The following HUNK variants were observed in gnomAD, a reference collection of about 807,000 sequenced individuals.
HUNK encodes the protein hormonally up-regulated Neu-associated kinase, also known as hormonally up-regulated neu tumor-associated kinase.
Under a neutral mutation model 61.0 loss-of-function variants are expected in HUNK, and 21 were observed. The ratio of observed to expected loss-of-function variants is 0.34; its 90% CI spans 0.24 to 0.50. HUNK has a LOEUF of 0.50. Among genes scored for constraint, HUNK ranks in the 20% least tolerant of loss-of-function variants. HUNK has a pLI of 0.98. For missense variants in HUNK, 772 were observed against 945.7 expected (o/e 0.82, Z 2.41); for synonymous variants, 371 against 386.1 (o/e 0.96, Z 0.46).
intron 7 of HUNK, among the ~76,000 whole-genome samples, chr21:31,975,470 A>T (rs1325864831): frequency 4.6e-5 from 7 of 152,232 alleles, no homozygotes; most frequent in Admixed American, 3.3e-4. Context: ...TCATGCTTTT[A>T]CTCAGAATGG....
At chr21:31,983,020 C>T (rs2053108649) in intron 7 of HUNK, among the ~76,000 whole-genome samples, 1 of 152,262 alleles carries the variant, frequency 6.6e-6, no homozygotes, top group Non-Finnish European at 1.5e-5. Flanking sequence ...CCAGGCTGGT[C>T]TCGAACTCCT....
At chr21:31,886,350 T>G (rs1031663601) in intron 1 of HUNK, among the ~76,000 whole-genome samples, 16 of 148,454 alleles carry the variant, frequency 1.1e-4, no homozygotes, top group African/African-American at 3.5e-4. Flanking sequence ...TGAACCTGGC[T>G]GGGAGGCGGA....
At chr21:31,887,535 T>C (rs2052355218) in intron 1 of HUNK, among the ~76,000 whole-genome samples, 1 of 152,098 alleles carries the variant, frequency 6.6e-6, no homozygotes, top group South Asian at 2.1e-4. Flanking sequence ...AGTCCTCTTT[T>C]TGAGTTCTTG....
At chr21:31,927,928 G>A (rs1337118441) in intron 2 of HUNK, among the ~76,000 whole-genome samples, 1 of 152,210 alleles carries the variant, frequency 6.6e-6, no homozygotes, top group Non-Finnish European at 1.5e-5. Context: ...GTTGTCATGA[G>A]ATCACCCTTC....
At chr21:31,955,258 A>ATTT (rs10654162) in intron 4 of HUNK, among the ~76,000 whole-genome samples, 24,618 of 144,828 alleles carry the variant, frequency 0.17, 2,241 homozygotes, top group South Asian at 0.28. Flanking sequence ...AATAAAAGTG[A>ATTT]TTTTTTTTTT....
At chr21:31,934,156 A>G (rs1416817755) in intron 2 of HUNK, among the ~76,000 whole-genome samples, 1 of 152,022 alleles carries the variant, frequency 6.6e-6, no homozygotes, top group Non-Finnish European at 1.5e-5. Flanking sequence ...AAGGTCCATT[A>G]TAATACACGA....
At chr21:31,928,272 A>G (rs2052674449) in intron 2 of HUNK, among the ~76,000 whole-genome samples, 1 of 152,162 alleles carries the variant, frequency 6.6e-6, no homozygotes, top group South Asian at 2.1e-4. Context: ...GAGGATGAGC[A>G]CCGAGCTTCT....
At chr21:31,952,096 AT>A (rs2052854082) in intron 4 of HUNK, among the ~76,000 whole-genome samples, 1 of 152,176 alleles carries the variant, frequency 6.6e-6, no homozygotes, top group Admixed American at 6.5e-5. Flanking sequence ...AGAAACAACC[AT>A]TTTGAAATCC....
intron 4 of HUNK, among the ~76,000 whole-genome samples, chr21:31,955,286 A>T (rs1601396731): frequency 7.3e-6 from 1 of 136,334 alleles, no homozygotes; most frequent in East Asian, 2.2e-4. Context: ...AAAATAGTGC[A>T]TTGATAAAGA....
intron 6 of HUNK, 37 bp from the exon 7 acceptor site, chr21:31,974,518 G>A (rs1039863127): frequency 3.8e-6 from 6 of 1,593,032 alleles, no homozygotes; most frequent in Middle Eastern, 3.7e-4. Context: ...TCCGTGAAGT[G>A]CAGGGGTGAC....
chr21:31,990,729 T>G lies in HUNK; in HGVS notation c.1305+553T>G, dbSNP rs188785122. Among the ~76,000 whole-genome samples the G allele has an allele frequency of 2.5e-3, 374 of 151,708 alleles. 1 individual carries two copies. Among genetic ancestry groups the G allele is most frequent in the African/African-American group, 8.8e-3 (365 of 41,340 alleles). ...TTTTGTATTTTTAGTAGAGATAGAG[T>G]TTCACCATGTTGACCAGGCTGATCT... On this transcript the variant is annotated intron_variant, in intron 9 of 10. Coordinates refer to ENST00000270112, the MANE Select transcript of HUNK (RefSeq NM_014586.2).
intron 1 of HUNK, among the ~76,000 whole-genome samples, chr21:31,882,931 GTTAA>G (rs112999688): frequency 0.014 from 2,142 of 151,964 alleles, 49 homozygotes; most frequent in African/African-American, 0.049. Context: ...CACTCTTTAT[GTTAA>G]TTAGTTATTG....
At chr21:31,951,185 T>C (rs1175122485) in intron 4 of HUNK, among the ~76,000 whole-genome samples, 1 of 147,632 alleles carries the variant, frequency 6.8e-6, no homozygotes, top group Non-Finnish European at 1.5e-5. Context: ...CCAGATTATA[T>C]GTATAAATAT....
intron 1 of HUNK, among the ~76,000 whole-genome samples, chr21:31,877,071 T>A (rs2052268467): frequency 6.6e-6 from 1 of 152,022 alleles, no homozygotes; most frequent in South Asian, 2.1e-4. Flanking sequence ...GGGAAATCAG[T>A]CCATGAAAAA....
chr21:31,963,163 T>A (rs2052940359), intron 5 of HUNK, among the ~76,000 whole-genome samples: 1 of 152,222 alleles, frequency 6.6e-6, no homozygotes. Context: ...TAGCTGCCAC[T>A]TATTGAATAA....
At chr21:31,923,447 A>G (rs1192902347) in intron 1 of HUNK, among the ~76,000 whole-genome samples, 1 of 151,048 alleles carries the variant, frequency 6.6e-6, no homozygotes, top group Non-Finnish European at 1.5e-5. Context: ...GAAGGAAAGA[A>G]AGAGAAAAAG....
At chr21:31,955,125 G>A (rs1601396611) in intron 4 of HUNK, among the ~76,000 whole-genome samples, 1 of 152,248 alleles carries the variant, frequency 6.6e-6, no homozygotes. Flanking sequence ...TAGTGCTGAT[G>A]CCACTGGTCT....
intron 6 of HUNK, among the ~76,000 whole-genome samples, chr21:31,970,543 A>G (rs2053002457): frequency 6.6e-6 from 1 of 152,156 alleles, no homozygotes; most frequent in Non-Finnish European, 1.5e-5. Flanking sequence ...CTCATTATCC[A>G]TACTCATGAT....
At chr21:31,992,644 C>T (rs964057523) in intron 9 of HUNK, among the ~76,000 whole-genome samples, 2 of 152,200 alleles carry the variant, frequency 1.3e-5, no homozygotes, top group African/African-American at 2.4e-5. Flanking sequence ...CAGGCGGCAG[C>T]CTTGCCGTGT....
Sources: allele counts gnomAD v4.1 joint callset (sites outside exome capture counted in the v4.1 genomes callset), GRCh38; gene constraint gnomAD v4.1.1; transcripts MANE v1.5; gene names NCBI Gene and HGNC (gene_info 2026-07-23, HGNC 2026-07-21).